The following MAGI1 variants were observed in gnomAD, a reference collection of about 807,000 sequenced individuals.
MAGI1 encodes the protein membrane associated guanylate kinase, WW and PDZ domain containing 1.
In MAGI1, 58 loss-of-function variants were observed where a neutral mutation model predicts 139.9. The observed-to-expected ratio is 0.41, with a 90% confidence interval of 0.34 to 0.52. The LOEUF (loss-of-function observed/expected upper bound fraction) is 0.52, where lower values mean the gene tolerates loss of function less well. Among genes scored for constraint, MAGI1 ranks in the 20% least tolerant of loss-of-function variants. MAGI1 has a pLI of 0.12. For synonymous variants in MAGI1, 812 were observed against 737.9 expected, an observed-to-expected ratio of 1.10 and a Z score of -1.63; for missense variants, 1,874 against 1,901.6, an observed-to-expected ratio of 0.99 and a Z score of 0.27.
intron 1 of MAGI1, among the ~76,000 whole-genome samples, chr3:65,719,503 C>T (rs1344188694): frequency 2.0e-5 from 3 of 151,216 alleles, no homozygotes; most frequent in African/African-American, 4.9e-5. Flanking sequence ...ATTGTTAATG[C>T]ATAGTATTTT....
intron 2 of MAGI1, among the ~76,000 whole-genome samples, chr3:65,573,963 G>A (rs115804303): frequency 0.013 from 1,922 of 151,900 alleles, 19 homozygotes; most frequent in Middle Eastern, 0.031. Flanking sequence ...TTGAGTAATT[G>A]CCACAGACAC....
intron 2 of MAGI1, chr3:65,597,743 C>A (rs1473034634): frequency 8.8e-6 from 4 of 456,614 alleles, no homozygotes; most frequent in Admixed American, 2.3e-5. Flanking sequence ...GGCAGCGGAG[C>A]GTTCGAATCC....
At chr3:65,870,353 C>G (rs1373509593) in intron 1 of MAGI1, among the ~76,000 whole-genome samples, 1 of 151,968 alleles carries the variant, frequency 6.6e-6, no homozygotes, top group Admixed American at 6.5e-5. Context: ...ATAGGGAAAG[C>G]CTGTGTAGCA....
chr3:65,664,149 AC>A (rs140909945), intron 1 of MAGI1, among the ~76,000 whole-genome samples: 26,127 of 152,150 alleles, frequency 0.17, 3,056 homozygotes, highest in Non-Finnish European at 0.26. Flanking sequence ...TCAGTGCTGA[AC>A]AAATTGTCAC....
intron 1 of MAGI1, chr3:66,008,965 G>T (rs1206555031): frequency 6.6e-6 from 1 of 152,288 alleles, no homozygotes; most frequent in Non-Finnish European, 1.5e-5. Flanking sequence ...TGAGGAAGCA[G>T]GTCTCAGACC....
intron 3 of MAGI1, among the ~76,000 whole-genome samples, chr3:65,491,003 CTA>C (rs1951990851): frequency 6.6e-6 from 1 of 152,106 alleles, no homozygotes; most frequent in Non-Finnish European, 1.5e-5. Flanking sequence ...TCCAAAATAA[CTA>C]TGCAACATTC....
intron 1 of MAGI1, among the ~76,000 whole-genome samples, chr3:65,734,001 C>T (rs973497750): frequency 2.6e-5 from 4 of 152,158 alleles, no homozygotes; most frequent in Non-Finnish European, 5.9e-5. Flanking sequence ...ATTTAAAATC[C>T]AATCTACTCC....
chr3:65,937,811 A>G (rs1038749450), intron 1 of MAGI1, among the ~76,000 whole-genome samples: 1 of 152,174 alleles, frequency 6.6e-6, no homozygotes, highest in Admixed American at 6.5e-5. Flanking sequence ...AAATTAAGTA[A>G]GATTTTGCCT....
chr3:65,399,046 T>A (rs930863883), intron 13 of MAGI1, among the ~76,000 whole-genome samples: 1 of 150,432 alleles, frequency 6.6e-6, no homozygotes, highest in East Asian at 1.9e-4. Context: ...GCCAATCACA[T>A]GAGCAAGCCA....
At chr3:65,454,379 T>G (rs1182421543) in intron 5 of MAGI1, among the ~76,000 whole-genome samples, 3 of 126,068 alleles carry the variant, frequency 2.4e-5, no homozygotes, top group African/African-American at 2.8e-5. Context: ...TGGGGACTGT[T>G]GTGGGGTTGG....
chr3:65,582,181 C>T (rs1357293171), intron 2 of MAGI1, among the ~76,000 whole-genome samples: 1 of 152,196 alleles, frequency 6.6e-6, no homozygotes, highest in Non-Finnish European at 1.5e-5. Flanking sequence ...GGATTTTAGG[C>T]TGCTTTCCAG....
intron 14 of MAGI1, among the ~76,000 whole-genome samples, chr3:65,387,994 G>A (rs1325504234): frequency 6.6e-6 from 1 of 152,156 alleles, no homozygotes; most frequent in African/African-American, 2.4e-5. Context: ...TACTGGATAG[G>A]ATCTGATTTT....
chr3:65,595,273 T>C (rs2082138495), intron 2 of MAGI1, among the ~76,000 whole-genome samples: 1 of 152,222 alleles, frequency 6.6e-6, no homozygotes, highest in Non-Finnish European at 1.5e-5. Flanking sequence ...TTCATGGGCA[T>C]AGTTTCTGTT....
intron 2 of MAGI1, among the ~76,000 whole-genome samples, chr3:65,547,642 C>T (rs1210490436): frequency 2.0e-5 from 3 of 152,098 alleles, no homozygotes; most frequent in Non-Finnish European, 4.4e-5. Flanking sequence ...AATCCGAGCA[C>T]AGTCACATGG....
intron 1 of MAGI1, among the ~76,000 whole-genome samples, chr3:65,962,889 A>T (rs2064517618): frequency 6.6e-6 from 1 of 151,220 alleles, no homozygotes; most frequent in South Asian, 2.1e-4. Flanking sequence ...AAAGAAAAAG[A>T]AAGTCACAAA....
chr3:65,842,464 G>T lies in MAGI1; in HGVS notation c.313+195532C>A, dbSNP rs776809566. On this transcript the variant is annotated intron_variant, in intron 1 of 22. Transcript: ENST00000402939. ...CAACCTCCGCCTCCCAGGTTCAAGC[G>T]ACTCTGCTGCCTCAGCCTTCCCGAG... Among the ~76,000 whole-genome samples, 3 of 151,676 alleles carry T rather than the reference G, an allele frequency of 2.0e-5. No individual in the cohort carries two copies. The South Asian group carries it at 6.2e-4, about 31-fold the overall frequency.
At chr3:65,425,108 TAAA>T (rs72030632) in intron 12 of MAGI1, among the ~76,000 whole-genome samples, 50 of 66,572 alleles carry the variant, frequency 7.5e-4, no homozygotes, top group African/African-American at 2.0e-3. Context: ...GTAGAACTTC[TAAA>T]AAAAAAAAAA....
In MAGI1 at chr3:65,956,953, G is replaced by C. The variant is rs141996658; in HGVS notation, c.313+81043C>G. Among the ~76,000 whole-genome samples, 72 of 152,232 alleles carry C rather than the reference G, an allele frequency of 4.7e-4. No individual in the cohort carries two copies. In the East Asian group the frequency reaches 0.012, roughly 26 times the overall value. Reference sequence around the variant, plus strand: ...GGAGGGAGAAGCTGCAGTGAGCCAAGATCACGTCACTGCACTCCAGCCTGG... The same window carrying C: ...GGAGGGAGAAGCTGCAGTGAGCCAACATCACGTCACTGCACTCCAGCCTGG... On this transcript the variant is annotated intron_variant, in intron 1 of 22. Coordinates refer to ENST00000402939, the MANE Select transcript of MAGI1 (RefSeq NM_001033057.2).
chr3:65,483,344 C>G (rs1030131053), intron 3 of MAGI1, among the ~76,000 whole-genome samples: 2 of 152,204 alleles, frequency 1.3e-5, no homozygotes, highest in East Asian at 3.9e-4. Context: ...CCTGACCTGT[C>G]TGGCCCCTCA....
Sources: gnomAD v4.1 joint callset for allele counts (sites outside exome capture counted in the v4.1 genomes callset) on GRCh38, gnomAD v4.1.1 for gene constraint, MANE v1.5 for transcripts, NCBI Gene and HGNC (gene_info 2026-07-23, HGNC 2026-07-21) for gene names.